The following SLC24A2 variants were observed in gnomAD, a reference collection of about 807,000 sequenced individuals.
The protein encoded by SLC24A2 is sodium/potassium/calcium exchanger 2.
SLC24A2 carries 36 observed loss-of-function variants against 62.0 expected under a neutral mutation model. The observed-to-expected ratio is 0.58, with a 90% CI of 0.44 to 0.77. The LOEUF (loss-of-function observed/expected upper bound fraction) is 0.77, where lower values mean the gene tolerates loss of function less well. Among genes scored for constraint, SLC24A2 ranks in the 30% least tolerant of loss-of-function variants. The pLI is 0.00. For missense variants in SLC24A2, 846 were observed against 817.9 expected (o/e 1.03, Z -0.42); for synonymous variants, 358 against 294.0 (o/e 1.22, Z -2.23).
chr9:19,673,166 T>C (rs957639258), intron 2 of SLC24A2, among the ~76,000 whole-genome samples: 2 of 146,666 alleles, frequency 1.4e-5, no homozygotes, highest in South Asian at 4.3e-4. Flanking sequence ...TGTGTTGCCA[T>C]GTATCTCATT....
chr9:19,699,052 C>T (rs940120445), intron 2 of SLC24A2, among the ~76,000 whole-genome samples: 5 of 152,078 alleles, frequency 3.3e-5, no homozygotes, highest in African/African-American at 1.2e-4. Flanking sequence ...ATGGGGACTA[C>T]AAAGATGAAT....
the SLC24A2 span, among the ~76,000 whole-genome samples, chr9:20,057,576 G>A: frequency 6.6e-6 from 1 of 152,192 alleles, no homozygotes; most frequent in East Asian, 1.9e-4. Context: ...TCAGCCTCAT[G>A]AGCTATGGGA....
At chr9:20,223,406 A>G in the SLC24A2 span, among the ~76,000 whole-genome samples, 2 of 152,154 alleles carry the variant, frequency 1.3e-5, no homozygotes, top group African/African-American at 4.8e-5. Flanking sequence ...GGGAGGATCA[A>G]TTGAGGCCAG....
chr9:19,773,688 C>G (rs1046555658), intron 2 of SLC24A2, among the ~76,000 whole-genome samples: 1 of 152,098 alleles, frequency 6.6e-6, no homozygotes, highest in African/African-American at 2.4e-5. Context: ...GCAAATGGGA[C>G]CAGTTAGTTA....
chr9:20,164,849 T>C, the SLC24A2 span, among the ~76,000 whole-genome samples: 6 of 150,934 alleles, frequency 4.0e-5, no homozygotes, highest in African/African-American at 1.5e-4. Flanking sequence ...ATGGATGAAA[T>C]TGGAAATCAT....
At chr9:19,558,987 T>C (rs1444568868) in intron 7 of SLC24A2, among the ~76,000 whole-genome samples, 1 of 152,202 alleles carries the variant, frequency 6.6e-6, no homozygotes, top group African/African-American at 2.4e-5. Context: ...ACTTTTCATA[T>C]GGTTTTCTAC....
the SLC24A2 span, among the ~76,000 whole-genome samples, chr9:20,286,839 C>G: frequency 0.69 from 105,077 of 152,076 alleles, 38,302 homozygotes; most frequent in East Asian, 0.96. Context: ...AGAAAGGATG[C>G]TTAACTTGTC....
the SLC24A2 span, among the ~76,000 whole-genome samples, chr9:20,155,986 A>C: frequency 6.6e-6 from 1 of 151,820 alleles, no homozygotes; most frequent in Non-Finnish European, 1.5e-5. Flanking sequence ...TAATTTATTT[A>C]TAATTAGAAT....
chr9:19,642,663 AGC>A (rs984700975), intron 2 of SLC24A2, among the ~76,000 whole-genome samples: 1 of 134,666 alleles, frequency 7.4e-6, no homozygotes, highest in Admixed American at 7.7e-5. Context: ...TTTATATGAG[AGC>A]GTATTCTTTT....
chr9:20,193,420 A>G, the SLC24A2 span, among the ~76,000 whole-genome samples: 1 of 152,050 alleles, frequency 6.6e-6, no homozygotes, highest in Admixed American at 6.6e-5. Flanking sequence ...AGAAAACTTG[A>G]AAGCTCACAC....
the SLC24A2 span, among the ~76,000 whole-genome samples, chr9:19,943,385 C>T: frequency 6.6e-6 from 1 of 152,134 alleles, no homozygotes; most frequent in African/African-American, 2.4e-5. Flanking sequence ...TTCTAGCGAT[C>T]TTTCATAACC....
chr9:19,730,944 G>A (rs1173560610), intron 2 of SLC24A2, among the ~76,000 whole-genome samples: 1 of 151,468 alleles, frequency 6.6e-6, no homozygotes, highest in Non-Finnish European at 1.5e-5. Context: ...CATCTTTCAA[G>A]CACCTGACCT....
the SLC24A2 span, among the ~76,000 whole-genome samples, chr9:20,001,176 C>T: frequency 1.1e-4 from 16 of 152,176 alleles, no homozygotes; most frequent in African/African-American, 3.9e-4. Context: ...CTGCATTGTC[C>T]CTGCTGCGCC....
chr9:19,910,420 C>T, the SLC24A2 span, among the ~76,000 whole-genome samples: 1 of 152,132 alleles, frequency 6.6e-6, no homozygotes, highest in African/African-American at 2.4e-5. Context: ...CTAGTTTTAG[C>T]TCCATTAAAT....
the SLC24A2 span, among the ~76,000 whole-genome samples, chr9:20,024,937 C>A: frequency 6.6e-6 from 1 of 152,280 alleles, no homozygotes; most frequent in East Asian, 1.9e-4. Context: ...GCCATCTGGT[C>A]ATCTTCTTGT....
At chr9:19,544,187 C>T (rs1014276098) in intron 8 of SLC24A2, among the ~76,000 whole-genome samples, 3 of 148,490 alleles carry the variant, frequency 2.0e-5, no homozygotes, top group African/African-American at 4.9e-5. Context: ...TAGGTAATGG[C>T]CTTCTTTCTC....
chr9:20,186,479 T>C, the SLC24A2 span, among the ~76,000 whole-genome samples: 13 of 152,078 alleles, frequency 8.5e-5, no homozygotes, highest in Non-Finnish European at 1.5e-4. Context: ...TCTCAACCAC[T>C]TTGCCTGGAC....
the SLC24A2 span, among the ~76,000 whole-genome samples, chr9:19,836,192 T>C: frequency 1.4e-4 from 22 of 151,888 alleles, no homozygotes; most frequent in African/African-American, 2.7e-4. Flanking sequence ...CAAACACATT[T>C]AAAAGCTAGC....
intron 2 of SLC24A2, among the ~76,000 whole-genome samples, chr9:19,694,522 C>T (rs556000658): frequency 6.6e-6 from 1 of 152,056 alleles, no homozygotes; most frequent in South Asian, 2.1e-4. Flanking sequence ...AGGCGAAAGA[C>T]TTTCTAAATG....
Sources: gnomAD v4.1 joint callset for allele counts (sites outside exome capture counted in the v4.1 genomes callset) on GRCh38, gnomAD v4.1.1 for gene constraint, MANE v1.5 for transcripts, NCBI Gene and HGNC (gene_info 2026-07-23, HGNC 2026-07-21) for gene names.